The following MAP3K4 variants were observed in gnomAD, a reference collection of about 807,000 sequenced individuals.
The protein encoded by MAP3K4 is mitogen-activated protein kinase kinase kinase 4.
In MAP3K4, 67 loss-of-function variants were observed where a neutral mutation model predicts 185.6. That is an observed-to-expected ratio of 0.36 (90% CI 0.30 to 0.44). The LOEUF (loss-of-function observed/expected upper bound fraction) is 0.44. Ranked by LOEUF, MAP3K4 falls within the 20% of genes least tolerant of loss-of-function variation. The pLI, the probability that MAP3K4 is intolerant of heterozygous loss-of-function variation, is 1.00. For synonymous variants in MAP3K4, 702 were observed against 710.4 expected, an observed-to-expected ratio of 0.99 and a Z score of 0.19; for missense variants, 1,551 against 1,995.1, an observed-to-expected ratio of 0.78 and a Z score of 4.24.
intron 3 of MAP3K4, among the ~76,000 whole-genome samples, chr6:161,065,365 C>G (rs112049676): frequency 2.0e-5 from 3 of 152,328 alleles, no homozygotes; most frequent in African/African-American, 7.2e-5. Context: ...TGATGCTGTG[C>G]TCTTCACTGG....
chr6:161,081,105 A>G, intron 6 of MAP3K4, 67 bp downstream of exon 6: 1 of 1,509,178 alleles, frequency 6.6e-7, no homozygotes, highest in Non-Finnish European at 9.1e-7. Context: ...TTACTCACTG[A>G]TTCTCTCCTA....
intron 2 of MAP3K4, among the ~76,000 whole-genome samples, chr6:161,038,954 T>A (rs1436666693): frequency 6.6e-6 from 1 of 152,168 alleles, no homozygotes; most frequent in East Asian, 1.9e-4. Context: ...TAGCCCAGGG[T>A]GGTCCTTGGG....
Position 161,048,491 on chromosome 6 carries a change from T to A in MAP3K4, c.344-125T>A, listed in dbSNP as rs918996554. 4.0e-5 allele frequency: 25 copies of A among 626,706 alleles called. No individual in the cohort carries two copies. Among genetic ancestry groups the A allele is most frequent in the Non-Finnish European group, 5.8e-5 (22 of 377,030 alleles). 38.8% of individuals were successfully genotyped at this position (626,706 alleles called of 1,614,324 possible). Reference sequence around the variant, plus strand: ...CTTTAATTTTTAGGATATGGTATGCTTTTTTTTCTTCCATTAGCAGTCTGA... The same window carrying A: ...CTTTAATTTTTAGGATATGGTATGCATTTTTTTCTTCCATTAGCAGTCTGA... On this transcript the variant is annotated intron_variant, in intron 2 of 26. Transcript: ENST00000392142. The surrounding 1 kb of genome is among the most constrained non-coding windows in gnomAD (Gnocchi z 4.7).
Position 161,061,368 on chromosome 6 carries a change from A to G in MAP3K4, c.1708-9240A>G, listed in dbSNP as rs528679964. ...ATAACTGCATTTTAAAGACTTTTGG[A>G]ACATTTCTTCTCGTGGCTCTGCCAC... On this transcript the variant is annotated intron_variant, in intron 3 of 26. Coordinates refer to ENST00000392142, the MANE Select transcript of MAP3K4 (RefSeq NM_005922.4). The surrounding 1 kb of genome is among the most constrained non-coding windows in gnomAD (Gnocchi z 4.2). Among the ~76,000 whole-genome samples the G allele has an allele frequency of 1.3e-5, 2 of 152,354 alleles. No individual in the cohort carries two copies. The highest frequency in any genetic ancestry group is 6.8e-3 in the Middle Eastern group (2 of 294).
At position 161,102,789 on chromosome 6, in the gene MAP3K4, A is replaced by G; in HGVS notation, c.3856+10A>G. 2 of 1,377,230 alleles carry G rather than the reference A, an allele frequency of 1.5e-6. No individual in the cohort carries two copies. Among genetic ancestry groups the G allele is most frequent in the Non-Finnish European group, 2.0e-6 (2 of 1,012,684 alleles). The allele number at this position is 1,377,230 out of a possible 1,614,324, so 85.3% of individuals were successfully genotyped here. On this transcript the variant is annotated intron_variant, in intron 19 of 26. Coordinates refer to ENST00000392142, the MANE Select transcript of MAP3K4 (RefSeq NM_005922.4). The stretch of plus-strand genomic sequence containing the variant: ...ATCAGCCAGAGTAAAGGTGAGAGAA[A>G]GAGTGTTGAAGTTAAAAAAAAAAAA...
chr6:161,102,798 A>T lies in MAP3K4; in HGVS notation c.3856+19A>T, dbSNP rs762856359. 53 of 917,946 alleles carry T rather than the reference A, an allele frequency of 5.8e-5. No individual in the cohort carries two copies. Among genetic ancestry groups the T allele is most frequent in the Non-Finnish European group, 7.6e-5 (48 of 634,660 alleles). The allele number at this position is 917,946 out of a possible 1,614,324, so 56.9% of individuals were successfully genotyped here. On this transcript the variant is annotated intron_variant, in intron 19 of 26. Transcript: ENST00000392142. ...AGTAAAGGTGAGAGAAAGAGTGTTG[A>T]AGTTAAAAAAAAAAAAAAAAAAAAA...
At position 161,108,727 on chromosome 6, in the gene MAP3K4, T is replaced by C; in HGVS notation, c.4120-16T>C. The stretch of plus-strand genomic sequence containing the variant: ...TAAATCAAGCCAGTTAACATTTTTG[T>C]CACCTCACTTTACAGATTCGATTTC... On this transcript the variant is annotated splice_polypyrimidine_tract_variant and intron_variant, in intron 21 of 26. Coordinates refer to ENST00000392142, the MANE Select transcript of MAP3K4 (RefSeq NM_005922.4). The surrounding 1 kb of genome is among the most constrained non-coding windows in gnomAD (Gnocchi z 5.7). The C allele has an allele frequency of 6.7e-7, 1 of 1,487,814 alleles. No homozygotes were observed. The highest frequency in any genetic ancestry group is 9.4e-7 in the Non-Finnish European group (1 of 1,064,858). The allele number at this position is 1,487,814 out of a possible 1,614,324, so 92.2% of individuals were successfully genotyped here.
In MAP3K4 at chr6:161,074,953, A is replaced by G. The variant is rs764913842; in HGVS notation, c.2097+1341A>G. ...GCCTTTTGTTGACCAGACCTGTTGCATGGCCTCACTGTTGCCATGGAGGCT... is the reference window on the plus strand; with the variant it reads ...GCCTTTTGTTGACCAGACCTGTTGCGTGGCCTCACTGTTGCCATGGAGGCT... On this transcript the variant is annotated intron_variant, in intron 5 of 26. Coordinates refer to ENST00000392142, the MANE Select transcript of MAP3K4 (RefSeq NM_005922.4). This position sits in a 1 kb window ranked among gnomAD's most constrained non-coding sequence, Gnocchi z 5.0. Among the ~76,000 whole-genome samples, 3 of 152,194 alleles carry G rather than the reference A, an allele frequency of 2.0e-5. No individual in the cohort carries two copies. The highest frequency in any genetic ancestry group is 2.9e-5 in the Non-Finnish European group (2 of 68,026).
intron 1 of MAP3K4, among the ~76,000 whole-genome samples, chr6:161,023,491 A>G (rs1489672474): frequency 6.6e-6 from 1 of 152,234 alleles, no homozygotes; most frequent in Admixed American, 6.5e-5. Context: ...ATGAGGATGG[A>G]AGAGCAGAAT....
Position 161,017,741 on chromosome 6 carries a change from T to C in MAP3K4, c.153-16518T>C, listed in dbSNP as rs949500388. ...TTTGAACAAAATTTCCTTTCTCCTT[T>C]GCTTCCTAAAGACACTGCTGTGTGA... On this transcript the variant is annotated intron_variant, in intron 1 of 26. Transcript: ENST00000392142. The surrounding 1 kb of genome is among the most constrained non-coding windows in gnomAD (Gnocchi z 5.1). Among the ~76,000 whole-genome samples the C allele has an allele frequency of 2.0e-5, 3 of 152,204 alleles. No homozygotes were observed. Among genetic ancestry groups the C allele is most frequent in the Non-Finnish European group, 2.9e-5 (2 of 68,032 alleles).
At position 161,112,919 on chromosome 6, in the gene MAP3K4, A is replaced by G; in HGVS notation, c.4626+145A>G. 2.2e-6 allele frequency: 1 copy of G among 459,610 alleles called. No individual in the cohort carries two copies. Among genetic ancestry groups the G allele is most frequent in the Admixed American group, 4.3e-5 (1 of 23,416 alleles). The allele number at this position is 459,610 out of a possible 1,614,324, so 28.5% of individuals were successfully genotyped here. On this transcript the variant is annotated intron_variant, in intron 25 of 26. Coordinates refer to ENST00000392142, the MANE Select transcript of MAP3K4 (RefSeq NM_005922.4). The surrounding 1 kb of genome is among the most constrained non-coding windows in gnomAD (Gnocchi z 5.1). ...TTAGATACAAAAATCTGATCCATCA[A>G]AAGATTAAGACAAATGACAAACCAG...
chr6:161,032,839 G>A (rs1001432576), intron 1 of MAP3K4, among the ~76,000 whole-genome samples: 3 of 152,164 alleles, frequency 2.0e-5, no homozygotes, highest in African/African-American at 7.2e-5. Context: ...ATGGTTTGAA[G>A]TTAGCTTTCA....
chr6:161,038,099 CCT>C (rs1336677640), intron 2 of MAP3K4, among the ~76,000 whole-genome samples: 1 of 151,954 alleles, frequency 6.6e-6, no homozygotes, highest in African/African-American at 2.4e-5. Flanking sequence ...TCCTTTCCTC[CCT>C]CTGTTCTTTC....
At position 161,041,912 on chromosome 6, in the gene MAP3K4, C is replaced by CTTTTT. The variant is rs1184107037; in HGVS notation, c.344-6695_344-6691dup. 4.3e-3 allele frequency among the ~76,000 whole-genome samples: 277 copies of CTTTTT among 64,036 alleles called. 47 individuals are homozygous for CTTTTT. The highest frequency in any genetic ancestry group is 0.019 in the East Asian group (32 of 1,724). The allele number at this position is 64,036 out of a possible 152,430, so 42.0% of individuals were successfully genotyped here. A position where few individuals can be genotyped will look rare whatever the true frequency, so the allele number is the denominator to read the frequency against. On this transcript the variant is annotated intron_variant, in intron 2 of 26. Transcript: ENST00000392142. ...GGGTAAAGGCCTTGAGTTATTGTTT[C>CTTTTT]TTTTTTTTTTTTTCTTTTTTTTTTT... is the stretch of plus-strand genomic sequence containing the variant.
Position 161,086,028 on chromosome 6 carries a change from A to G in MAP3K4, c.2373-351A>G, listed in dbSNP as rs140499655. Among the ~76,000 whole-genome samples the G allele has an allele frequency of 2.2e-4, 34 of 152,328 alleles. No individual in the cohort carries two copies. Among genetic ancestry groups the G allele is most frequent in the African/African-American group, 7.2e-4 (30 of 41,580 alleles). Reference sequence around the variant, plus strand: ...AGTTGTTAAATATTTCCCAGATCACACTGTATAGATTTCTTTTTAGATTAC... The same window carrying G: ...AGTTGTTAAATATTTCCCAGATCACGCTGTATAGATTTCTTTTTAGATTAC... On this transcript the variant is annotated intron_variant, in intron 7 of 26. Transcript: ENST00000392142. This position sits in a 1 kb window ranked among gnomAD's most constrained non-coding sequence, Gnocchi z 4.8.
Position 161,097,163 on chromosome 6 carries a change from C to G in MAP3K4, c.3511C>G (p.Pro1171Ala), listed in dbSNP as rs1333616180. 1.2e-6 allele frequency: 2 copies of G among 1,613,938 alleles called. No individual in the cohort carries two copies. Among genetic ancestry groups the G allele is most frequent in the South Asian group, 1.1e-5 (1 of 91,072 alleles). ...TAACCCACACCTCATTATCCCCACT[C>G]CAGAGGGATTCAGGTATTTGGTGCT... ...PPNPHLIIPTPEGFSTRSMPS... is the reference protein window; with the variant it reads ...PPNPHLIIPTAEGFSTRSMPS... The change falls in exon 16 of 27, where the codon CCA becomes GCA. Residue 1171 changes from proline (P) to alanine (A), a missense_variant. Pro to Ala is a conservative substitution (Grantham distance 27). This residue lies in a region of MAP3K4 where 272 missense variants were observed against 301.2 expected (regional missense o/e 0.90). Coordinates refer to ENST00000392142, the MANE Select transcript of MAP3K4 (RefSeq NM_005922.4). The surrounding 1 kb of genome is among the most constrained non-coding windows in gnomAD (Gnocchi z 4.9).
In MAP3K4 at chr6:161,054,343, TG is replaced by T. The variant is rs1243160722; in HGVS notation, c.1707+4366del. On this transcript the variant is annotated intron_variant, in intron 3 of 26. Transcript: ENST00000392142. This position sits in a 1 kb window ranked among gnomAD's most constrained non-coding sequence, Gnocchi z 4.2. ...CTAATTTTTGTATTTTTAGTAGAGA[TG>T]GTGTTTCACCATGTTGGTCAGGCTG... is the stretch of plus-strand genomic sequence containing the variant. Among the ~76,000 whole-genome samples the T allele has an allele frequency of 6.6e-6, 1 of 151,966 alleles. No individual in the cohort carries two copies. Among genetic ancestry groups the T allele is most frequent in the Non-Finnish European group, 1.5e-5 (1 of 67,960 alleles).
At chr6:161,033,508 C>T (rs1264577165) in intron 1 of MAP3K4, among the ~76,000 whole-genome samples, 5 of 150,906 alleles carry the variant, frequency 3.3e-5, no homozygotes, top group Non-Finnish European at 7.4e-5. Flanking sequence ...TGAAAAGAAA[C>T]AATTTTGTTT....
chr6:161,058,665 A>AT (rs1784352344), intron 3 of MAP3K4, among the ~76,000 whole-genome samples: 1 of 151,924 alleles, frequency 6.6e-6, no homozygotes, highest in South Asian at 2.1e-4. Flanking sequence ...AACACATGTA[A>AT]TTTTTTACAA....
Sources: gnomAD v4.1 joint callset for allele counts (sites outside exome capture counted in the v4.1 genomes callset) on GRCh38, gnomAD v4.1.1 for gene constraint, gnomAD v4.1.1 regional missense constraint, Gnocchi (gnomAD v3.1) non-coding constraint, MANE v1.5 for transcripts, NCBI Gene and HGNC (gene_info 2026-07-23, HGNC 2026-07-21) for gene names.